Variants in PARG observed in about 807,000 individuals in gnomAD.
PARG encodes the protein poly(ADP-ribose) glycohydrolase.
PARG carries 35 observed loss-of-function variants against 113.0 expected under a neutral mutation model. That is an observed-to-expected ratio of 0.31 (90% confidence interval 0.24 to 0.41). The LOEUF is 0.41. Ranked by LOEUF, PARG falls within the 10% of genes least tolerant of loss-of-function variation. PARG has a pLI of 1.00. For synonymous variants in PARG, 330 were observed against 409.9 expected, an observed-to-expected ratio of 0.81 and a Z score of 2.36; for missense variants, 797 against 1,169.4, an observed-to-expected ratio of 0.68 and a Z score of 4.64.
chr10:49,892,762 C>A lies in PARG; in HGVS notation c.1738-7467G>T, dbSNP rs563267353. On this transcript the variant is annotated intron_variant, in intron 7 of 17. Transcript: ENST00000616448. ...TTGAGGTAAGTTGCAAGCATTCCAC[C>A]CCATCACTTCAGTTTGCAGATCAGC... Among the ~76,000 whole-genome samples, 123 of 152,096 alleles carry A rather than the reference C, an allele frequency of 8.1e-4. 1 individual carries two copies. Among genetic ancestry groups the A allele is most frequent in the African/African-American group, 2.8e-3 (115 of 41,464 alleles).
intron 7 of PARG, among the ~76,000 whole-genome samples, chr10:49,888,203 T>G (rs1352978301): frequency 6.6e-6 from 1 of 152,018 alleles, no homozygotes; most frequent in Non-Finnish European, 1.5e-5. Flanking sequence ...CTACATACAT[T>G]GATAACTATA....
At chr10:49,935,468 C>A (rs1756856559) in intron 1 of PARG, among the ~76,000 whole-genome samples, 1 of 152,220 alleles carries the variant, frequency 6.6e-6, no homozygotes, top group Admixed American at 6.5e-5. Context: ...TATCTCAGAT[C>A]CCTCATTTGT....
intron 13 of PARG, among the ~76,000 whole-genome samples, chr10:49,845,942 T>C (rs1845484999): frequency 6.6e-6 from 1 of 151,714 alleles, no homozygotes; most frequent in African/African-American, 2.4e-5. Flanking sequence ...TTAACTCCTT[T>C]ACTTGTAGAC....
intron 7 of PARG, among the ~76,000 whole-genome samples, chr10:49,906,404 T>C (rs781878964): frequency 6.6e-5 from 10 of 152,080 alleles, no homozygotes; most frequent in Non-Finnish European, 1.2e-4. Flanking sequence ...CTCCCTAGCT[T>C]TACTCAATTA....
At chr10:49,933,125 A>C in intron 3 of PARG, 52 bp downstream of exon 3, 2 of 1,352,098 alleles carry the variant, frequency 1.5e-6, no homozygotes, top group South Asian at 2.6e-5. Context: ...CTCCCTTACA[A>C]AACTATAAAG....
intron 16 of PARG, among the ~76,000 whole-genome samples, chr10:49,828,408 T>C (rs782278228): frequency 1.3e-5 from 2 of 152,158 alleles, no homozygotes; most frequent in Admixed American, 6.5e-5. Flanking sequence ...CAGAAATAAG[T>C]AGAGCTTGCA....
At chr10:49,899,261 AAGT>A (rs1848242648) in intron 7 of PARG, among the ~76,000 whole-genome samples, 1 of 152,244 alleles carries the variant, frequency 6.6e-6, no homozygotes, top group Non-Finnish European at 1.5e-5. Flanking sequence ...CAAAAATTAA[AAGT>A]ACAAAAACAT....
At position 49,933,200 on chromosome 10, in the gene PARG, T is replaced by C. The variant is rs1838575162; in HGVS notation, c.1248A>G (p.Arg416=). 1 of 1,582,744 alleles carries C rather than the reference T, an allele frequency of 6.3e-7. No individual in the cohort carries two copies. Among genetic ancestry groups the C allele is most frequent in the East Asian group, 2.3e-5 (1 of 44,298 alleles). Residue 416 remains arginine, a synonymous_variant, in exon 3 of 18, where the codon AGA becomes AGG. Coordinates refer to ENST00000616448, the MANE Select transcript of PARG (RefSeq NM_003631.5). The part of the protein sequence containing the change: ...KDSKITDHFM[R]LPKAEDRRKE... ...ACCTTCTGTCCTCTGCTTTGGGCAGTCTCATGAAATGATCTGTGATTTTAG... is the reference window on the plus strand; with the variant it reads ...ACCTTCTGTCCTCTGCTTTGGGCAGCCTCATGAAATGATCTGTGATTTTAG...
chr10:49,930,092 T>C (rs1275627661), intron 4 of PARG, among the ~76,000 whole-genome samples: 9 of 152,242 alleles, frequency 5.9e-5, no homozygotes, highest in African/African-American at 1.7e-4. Context: ...TTCAGATGAA[T>C]GGTAGCAAGG....
intron 1 of PARG, among the ~76,000 whole-genome samples, chr10:49,941,308 T>G (rs1416112652): frequency 7.9e-5 from 12 of 152,262 alleles, no homozygotes; most frequent in South Asian, 4.1e-4. Flanking sequence ...TGACTGCTCA[T>G]CAGAGTTTCT....
intron 6 of PARG, 43 bp downstream of exon 6, chr10:49,922,293 A>C (rs782032209): frequency 6.4e-7 from 1 of 1,564,308 alleles, no homozygotes; most frequent in East Asian, 2.3e-5. Context: ...GAAAGAGGAG[A>C]CACAGGGCCC....
intron 7 of PARG, among the ~76,000 whole-genome samples, chr10:49,906,139 T>C: frequency 7.1e-6 from 1 of 140,664 alleles, no homozygotes; most frequent in Admixed American, 6.9e-5. Context: ...GCTGTGATGC[T>C]GCCGCTTTTT....
intron 4 of PARG, among the ~76,000 whole-genome samples, chr10:49,928,794 C>T (rs1161920471): frequency 1.3e-5 from 2 of 152,186 alleles, no homozygotes; most frequent in African/African-American, 4.8e-5. Flanking sequence ...TGTGAGCTAT[C>T]ATGCCCAACT....
rs1838610164 is a variant in PARG at position 49,933,784 on chromosome 10, T to A, written c.664A>T (p.Thr222Ser). The A allele has an allele frequency of 1.2e-6, 2 of 1,613,582 alleles. No homozygotes were observed. Among genetic ancestry groups the A allele is most frequent in the African/African-American group, 2.7e-5 (2 of 74,946 alleles). ...TCTCTGGCCTGTTCATCTTCTGTAG[T>A]CTGCTTTGCATTTGCAAGCTTTACA... ...TTVKLANAKQ[T>S]TEDEQAREAK... The change falls in exon 3 of 18, where the codon ACT becomes TCT. Residue 222 changes from threonine (T) to serine (S), a missense_variant. This residue lies in a region of PARG where 284 missense variants were observed against 306.1 expected (regional missense o/e 0.93). Coordinates refer to ENST00000616448, the MANE Select transcript of PARG (RefSeq NM_003631.5).
chr10:49,936,466 C>T (rs1838742811), intron 1 of PARG, among the ~76,000 whole-genome samples: 1 of 152,100 alleles, frequency 6.6e-6, no homozygotes, highest in Non-Finnish European at 1.5e-5. Context: ...TCCTTCCTAA[C>T]ACATCAGCAG....
chr10:49,928,795 A>G (rs1473295532), intron 4 of PARG, among the ~76,000 whole-genome samples: 1 of 152,196 alleles, frequency 6.6e-6, no homozygotes, highest in African/African-American at 2.4e-5. Context: ...GTGAGCTATC[A>G]TGCCCAACTT....
intron 4 of PARG, among the ~76,000 whole-genome samples, chr10:49,931,207 C>G (rs1564667587): frequency 6.6e-6 from 1 of 152,040 alleles, no homozygotes; most frequent in Admixed American, 6.6e-5. Flanking sequence ...TAATGTTAGT[C>G]TTTTGTTATG....
At position 49,888,605 on chromosome 10, in the gene PARG, G is replaced by A. The variant is rs191590243; in HGVS notation, c.1738-3310C>T. 1.5e-4 allele frequency among the ~76,000 whole-genome samples: 23 copies of A among 152,238 alleles called. No individual in the cohort carries two copies. In the East Asian group the frequency reaches 4.2e-3, roughly 28 times the overall value. The stretch of plus-strand genomic sequence containing the variant: ...TCCGTTGTCATTCAAACTGTTTTCT[G>A]TATAGGCATTGTGTCATTTCTCTCT... On this transcript the variant is annotated intron_variant, in intron 7 of 17. Coordinates refer to ENST00000616448, the MANE Select transcript of PARG (RefSeq NM_003631.5).
chr10:49,874,832 C>T (rs1455409667), intron 9 of PARG, among the ~76,000 whole-genome samples: 4 of 136,780 alleles, frequency 2.9e-5, no homozygotes, highest in East Asian at 2.0e-4. Context: ...CCAGCCTGGT[C>T]GACAGAGCGA....
Sources: allele counts gnomAD v4.1 joint callset (sites outside exome capture counted in the v4.1 genomes callset), GRCh38; gene constraint gnomAD v4.1.1; regional missense constraint gnomAD v4.1.1; transcripts MANE v1.5; gene names NCBI Gene and HGNC (gene_info 2026-07-23, HGNC 2026-07-21).